The following PATJ variants were observed in gnomAD, a reference collection of about 807,000 sequenced individuals.
PATJ encodes inaD-like protein.
In PATJ, 190 loss-of-function variants were observed where a neutral mutation model predicts 224.9. The ratio of observed to expected loss-of-function variants is 0.84; its 90% CI spans 0.75 to 0.95. The LOEUF is 0.95. Ranked by LOEUF, PATJ falls within the 40% of genes least tolerant of loss-of-function variation. The probability of loss-of-function intolerance (pLI) is 0.00; values close to 1 mark genes in which losing one functional copy is unlikely to be tolerated. For missense variants in PATJ, 2,121 were observed against 2,270.3 expected, an observed-to-expected ratio of 0.93 and a Z score of 1.34; for synonymous variants, 769 against 820.3, an observed-to-expected ratio of 0.94 and a Z score of 1.07.
intron 17 of PATJ, among the ~76,000 whole-genome samples, chr1:61,842,236 A>G (rs1402516220): frequency 1.3e-5 from 2 of 152,186 alleles, no homozygotes; most frequent in African/African-American, 4.8e-5. Flanking sequence ...TCCAGATAGT[A>G]CAGATCAAAA....
chr1:62,163,357 G>T lies in PATJ; in HGVS notation c.*2303G>T, dbSNP rs1292683398. 2 of 152,550 alleles carry T rather than the reference G, an allele frequency of 1.3e-5. No homozygotes were observed. The highest frequency in any genetic ancestry group is 1.3e-4 in the Admixed American group (2 of 15,258). The allele number at this position is 152,550 out of a possible 1,614,324, so 9.4% of individuals were successfully genotyped here. A position where few individuals can be genotyped will look rare whatever the true frequency, so the allele number is the denominator to read the frequency against. On this transcript the variant is annotated 3_prime_UTR_variant, in exon 44 of 44. Coordinates refer to ENST00000642238, the MANE Select transcript of PATJ (RefSeq NM_001350145.3). ...AGAACATTTTGTGTTAATTGTACCT[G>T]CAAGAACACCTCAGGCAAGCCAAGA...
intron 31 of PATJ, among the ~76,000 whole-genome samples, chr1:62,073,820 T>C (rs933011241): frequency 6.6e-6 from 1 of 152,048 alleles, no homozygotes; most frequent in African/African-American, 2.4e-5. Context: ...TGAGACTCCA[T>C]CTCCAAAAAA....
rs567903047 is a variant in PATJ at position 61,849,426 on chromosome 1, T to C, written c.2113-6604T>C. ...CTGAGCAACACAGGGAGACCACATC[T>C]CTACAAAAATTAAAAACGATTTAGC... is the stretch of plus-strand genomic sequence containing the variant. On this transcript the variant is annotated intron_variant, in intron 17 of 43. Coordinates refer to ENST00000642238, the MANE Select transcript of PATJ (RefSeq NM_001350145.3). 3.4e-4 allele frequency among the ~76,000 whole-genome samples: 52 copies of C among 152,068 alleles called. No individual in the cohort carries two copies. The East Asian group carries it at 7.7e-3, about 23-fold the overall frequency.
At chr1:61,793,861 C>T (rs966580738) in intron 9 of PATJ, among the ~76,000 whole-genome samples, 19 of 151,396 alleles carry the variant, frequency 1.3e-4, no homozygotes, top group Middle Eastern at 3.4e-3. Flanking sequence ...TATATTATTT[C>T]GTTGGCAATG....
intron 31 of PATJ, chr1:62,073,236 A>C: frequency 1.0e-6 from 1 of 985,350 alleles, no homozygotes; most frequent in Non-Finnish European, 1.2e-6. Flanking sequence ...TGCAACCTGA[A>C]ATCAAGCCAC....
intron 32 of PATJ, among the ~76,000 whole-genome samples, chr1:62,080,571 A>G (rs572049322): frequency 6.6e-6 from 1 of 152,104 alleles, no homozygotes; most frequent in South Asian, 2.1e-4. Flanking sequence ...ACCTCAAGTG[A>G]TCTGCCTGCC....
Position 61,974,789 on chromosome 1 carries a change from G to A in PATJ, c.3671-15379G>A, listed in dbSNP as rs1346449240. ...ATGAGGGTACTCAGTTACAAAACTG[G>A]CTTAATTCATGAGGAGTTTTGGATG... On this transcript the variant is annotated intron_variant, in intron 27 of 43. Coordinates refer to ENST00000642238, the MANE Select transcript of PATJ (RefSeq NM_001350145.3). Among the ~76,000 whole-genome samples, 4 of 152,072 alleles carry A rather than the reference G, an allele frequency of 2.6e-5. No individual in the cohort carries two copies. The East Asian group carries it at 5.8e-4, about 22-fold the overall frequency.
chr1:61,796,122 CA>C (rs1651044640), intron 10 of PATJ, among the ~76,000 whole-genome samples: 1 of 152,116 alleles, frequency 6.6e-6, no homozygotes, highest in Non-Finnish European at 1.5e-5. Flanking sequence ...AACATAGAAA[CA>C]AATGCTGGGT....
In PATJ at chr1:62,116,687, G is replaced by A. The variant is rs769005588; in HGVS notation, c.4803+8G>A. On this transcript the variant is annotated splice_region_variant and intron_variant, in intron 36 of 43. Transcript: ENST00000642238. The stretch of plus-strand genomic sequence containing the variant: ...GTGGCCACCATCCTCAAGGTGAGTT[G>A]CTAGGCTGCTTTTTACCCAGCTGGC... 6 of 1,600,344 alleles carry A rather than the reference G, an allele frequency of 3.7e-6. No homozygotes were observed. The East Asian group carries it at 1.1e-4, about 30-fold the overall frequency.
At chr1:61,992,500 T>G (rs1314581568) in intron 28 of PATJ, among the ~76,000 whole-genome samples, 1 of 152,230 alleles carries the variant, frequency 6.6e-6, no homozygotes, top group Non-Finnish European at 1.5e-5. Context: ...CAGGGAATCA[T>G]GTACATTAAG....
At position 61,932,112 on chromosome 1, in the gene PATJ, T is replaced by C. The variant is rs530957376; in HGVS notation, c.3670+4283T>C. On this transcript the variant is annotated intron_variant, in intron 27 of 43. Coordinates refer to ENST00000642238, the MANE Select transcript of PATJ (RefSeq NM_001350145.3). ...CATGGCTTTCAAACTTCAGTGTGCC[T>C]CAGGAGGTTCCAGAAAGCTTGTTAA... is the stretch of plus-strand genomic sequence containing the variant. 2.6e-4 allele frequency among the ~76,000 whole-genome samples: 40 copies of C among 152,296 alleles called. No individual in the cohort carries two copies. The South Asian group carries it at 6.8e-3, about 26-fold the overall frequency.
chr1:61,845,497 T>G (rs1250337898), intron 17 of PATJ, among the ~76,000 whole-genome samples: 1 of 152,226 alleles, frequency 6.6e-6, no homozygotes, highest in African/African-American at 2.4e-5. Context: ...TCCCTTGCCT[T>G]TACTCCTCTC....
chr1:62,149,609 A>T (rs200763718), intron 42 of PATJ, among the ~76,000 whole-genome samples: 2 of 67,910 alleles, frequency 2.9e-5, no homozygotes, highest in Non-Finnish European at 5.1e-5. Flanking sequence ...CCTTTTCCTT[A>T]AAAAAAAAAA....
At chr1:61,878,853 G>A (rs1667703390) in intron 21 of PATJ, among the ~76,000 whole-genome samples, 1 of 150,956 alleles carries the variant, frequency 6.6e-6, no homozygotes, top group Admixed American at 6.6e-5. Flanking sequence ...GCACAATCTC[G>A]GCTCACTACA....
intron 33 of PATJ, among the ~76,000 whole-genome samples, chr1:62,106,504 C>T (rs1021293879): frequency 1.8e-4 from 27 of 151,874 alleles, no homozygotes; most frequent in African/African-American, 6.3e-4. Context: ...AGCAAACAAA[C>T]AAGGTTTGGT....
intron 27 of PATJ, among the ~76,000 whole-genome samples, chr1:61,988,330 A>G (rs1032804489): frequency 1.3e-5 from 2 of 152,210 alleles, no homozygotes; most frequent in Non-Finnish European, 2.9e-5. Context: ...GGGAATTTCA[A>G]AAATAATTGT....
chr1:61,764,628 T>C (rs1335971573), intron 3 of PATJ, among the ~76,000 whole-genome samples: 1 of 151,954 alleles, frequency 6.6e-6, no homozygotes, highest in African/African-American at 2.4e-5. Context: ...TAAGTGAAAA[T>C]TTACAAAATT....
Position 61,927,774 on chromosome 1 carries a change from T to C in PATJ, c.3615T>C (p.Tyr1205=). 1 of 1,613,652 alleles carries C rather than the reference T, an allele frequency of 6.2e-7. No individual in the cohort carries two copies. The highest frequency in any genetic ancestry group is 2.2e-5 in the East Asian group (1 of 44,856). The stretch of plus-strand genomic sequence containing the variant: ...CGCCAATGAAACTTCCTCCTCCTTA[T>C]AAAGCTCTGACTGATGACAGTGATG... ...APPPMKLPPP[Y]KALTDDSDEN... is the part of the protein sequence containing the mutation. The change falls in exon 27 of 44, where the codon TAT becomes TAC. Residue 1205 remains tyrosine (Y), a synonymous_variant. Coordinates refer to ENST00000642238, the MANE Select transcript of PATJ (RefSeq NM_001350145.3).
intron 41 of PATJ, among the ~76,000 whole-genome samples, chr1:62,139,386 C>A (rs1190004823): frequency 7.5e-6 from 1 of 133,106 alleles, no homozygotes; most frequent in African/African-American, 3.0e-5. Flanking sequence ...GGCGACACAG[C>A]GAGACTCCAT....
Sources: allele counts gnomAD v4.1 joint callset (sites outside exome capture counted in the v4.1 genomes callset), GRCh38; gene constraint gnomAD v4.1.1; transcripts MANE v1.5; gene names NCBI Gene and HGNC (gene_info 2026-07-23, HGNC 2026-07-21).